CTDP1: variants seen among roughly 807,000 people sequenced by gnomAD.
CTDP1 encodes the protein RNA polymerase II subunit A C-terminal domain phosphatase.
CTDP1 carries 47 observed loss-of-function variants against 91.8 expected under a neutral mutation model. The observed-to-expected ratio is 0.51, with a 90% CI of 0.41 to 0.65. The LOEUF is 0.65. CTDP1 is among the 30% of genes least tolerant of loss of function. The probability of loss-of-function intolerance (pLI) is 0.00; values close to 1 mark genes in which losing one functional copy is unlikely to be tolerated. For synonymous variants in CTDP1, 656 were observed against 598.5 expected, an observed-to-expected ratio of 1.10 and a Z score of -1.40; for missense variants, 1,272 against 1,373.7, an observed-to-expected ratio of 0.93 and a Z score of 1.17.
rs190013766 is a variant in CTDP1 at position 79,733,412 on chromosome 18, C to T, written c.2581-2943C>T. ...TGGAACTGCGGGGAAGGGAAGGTGC[C>T]GGAACCAGGGCTGGGAGATCACTGA... On this transcript the variant is annotated intron_variant, in intron 11 of 12. Coordinates refer to ENST00000613122, the MANE Select transcript of CTDP1 (RefSeq NM_004715.5). Among the ~76,000 whole-genome samples, 134 of 152,300 alleles carry T rather than the reference C, an allele frequency of 8.8e-4. 2 individuals are homozygous for T. The East Asian group carries it at 0.016, about 18-fold the overall frequency.
Position 79,697,989 on chromosome 18 carries a change from G to A in CTDP1, c.621+1G>A. On this transcript the variant is annotated splice_donor_variant, in intron 4 of 12. Transcript: ENST00000613122. LOFTEE classifies it high-confidence loss of function. ...GCACTGTCAGCAGATGTCGAATAAA[G>A]TGAGTGCAGTCAGCATCTACGGACA... is the stretch of plus-strand genomic sequence containing the variant. 1 of 1,614,234 alleles carries A rather than the reference G, an allele frequency of 6.2e-7. No individual in the cohort carries two copies. Among genetic ancestry groups the A allele is most frequent in the Non-Finnish European group, 8.5e-7 (1 of 1,180,034 alleles).
chr18:79,731,287 T>C (rs2086561201), intron 11 of CTDP1, among the ~76,000 whole-genome samples: 1 of 152,138 alleles, frequency 6.6e-6, no homozygotes, highest in Non-Finnish European at 1.5e-5. Context: ...TTCCGGCGCG[T>C]CAGTGTGTTA....
upstream of CTDP1, chr18:79,678,611 G>A (rs1353861163): frequency 1.3e-5 from 2 of 152,142 alleles, no homozygotes; most frequent in African/African-American, 2.4e-5. Context: ...CAAAATGTTA[G>A]TATTCAGCCT....
At chr18:79,685,123 G>C (rs2085467107) in intron 1 of CTDP1, among the ~76,000 whole-genome samples, 1 of 152,074 alleles carries the variant, frequency 6.6e-6, no homozygotes, top group African/African-American at 2.4e-5. Context: ...AGGCCCTTGA[G>C]AGAGCCTCTG....
At chr18:79,740,942 C>A (rs778344199) in intron 12 of CTDP1, among the ~76,000 whole-genome samples, 1 of 152,184 alleles carries the variant, frequency 6.6e-6, no homozygotes, top group Non-Finnish European at 1.5e-5. Flanking sequence ...AAAGAACAGG[C>A]GCCCAGGTGA....
At chr18:79,720,484 GTGA>G (rs1249542313) in intron 10 of CTDP1, among the ~76,000 whole-genome samples, 14 of 149,738 alleles carry the variant, frequency 9.3e-5, no homozygotes, top group South Asian at 8.6e-4. Context: ...GGGCGTCCTC[GTGA>G]TGATGTCACC....
Position 79,680,120 on chromosome 18 carries a change from C to T in CTDP1, c.173C>T (p.Ala58Val), listed in dbSNP as rs1344172701. ...GCCGTGTTCGAGGCCGCCGCCTCCG[C>T]GCAGTCCTCCGGGGCCTCTCAGTCC... Reference protein sequence around the residue: ...VLAVFEAAASAQSSGASQSRV... With the variant: ...VLAVFEAAASVQSSGASQSRV... Residue 58 changes from alanine (A) to valine (V), a missense_variant, in exon 1 of 13, where the codon GCG becomes GTG. By Grantham distance (64) the Ala-to-Val change is moderately conservative (BLOSUM62 0). Coordinates refer to ENST00000613122, the MANE Select transcript of CTDP1 (RefSeq NM_004715.5). 1 of 1,424,664 alleles carries T rather than the reference C, an allele frequency of 7.0e-7. No individual in the cohort carries two copies. Among genetic ancestry groups the T allele is most frequent in the East Asian group, 3.2e-5 (1 of 31,710 alleles). The allele number at this position is 1,424,664 out of a possible 1,614,324, so 88.3% of individuals were successfully genotyped here.
chr18:79,756,131 CCTT>C (rs1033559202), downstream of CTDP1: 4 of 152,462 alleles, frequency 2.6e-5, no homozygotes, highest in Admixed American at 1.3e-4. Context: ...GTGCTGCACA[CCTT>C]CTCCGTCACG....
chr18:79,732,105 TTGC>T (rs1435741924), intron 11 of CTDP1, among the ~76,000 whole-genome samples: 1 of 148,422 alleles, frequency 6.7e-6, no homozygotes, highest in Admixed American at 6.7e-5. Flanking sequence ...ATGTAAGAAC[TTGC>T]TGACATCAGG....
rs751952205 is a variant in CTDP1 at position 79,714,871 on chromosome 18, T to C, written c.1411T>C (p.Ser471Pro). Reference sequence around the variant, plus strand: ...TGAGTCCGAGGGCACGAAGTCCTCCTCCTCCGCCTCTGATGGCGAAAGCGA... The same window carrying C: ...TGAGTCCGAGGGCACGAAGTCCTCCCCCTCCGCCTCTGATGGCGAAAGCGA... ...SSESEGTKSS[S>P]SASDGESEGK... The change falls in exon 8 of 13, where the codon TCC becomes CCC. Residue 471 changes from serine (S) to proline (P), a missense_variant. Physicochemically the swap from Ser to Pro is moderately conservative, Grantham distance 74 (BLOSUM62 -1). Around this residue, in one of 3 missense-constraint regions of CTDP1, gnomAD observed 881 missense variants for 911.6 expected, o/e 0.97. Coordinates refer to ENST00000613122, the MANE Select transcript of CTDP1 (RefSeq NM_004715.5). The C allele has an allele frequency of 2.5e-6, 4 of 1,582,528 alleles. 1 individual carries two copies. The South Asian group carries it at 4.6e-5, about 18-fold the overall frequency.
At chr18:79,679,295 C>T (rs1599168926), upstream of CTDP1, 6 of 411,384 alleles carry the variant, frequency 1.5e-5, no homozygotes, top group East Asian at 1.5e-4. Context: ...CGGGGGGGGA[C>T]ACGAGGCGGG....
intron 8 of CTDP1, among the ~76,000 whole-genome samples, chr18:79,716,037 C>T (rs922833646): frequency 2.6e-5 from 4 of 152,312 alleles, no homozygotes; most frequent in East Asian, 1.9e-4. Flanking sequence ...TTGAAACTTC[C>T]GCCGAATAAA....
chr18:79,724,529 A>AT (rs1356176075), intron 10 of CTDP1, among the ~76,000 whole-genome samples: 1 of 152,124 alleles, frequency 6.6e-6, no homozygotes, highest in East Asian at 1.9e-4. Flanking sequence ...TGTAACCTGC[A>AT]TTTCCGTGGT....
intron 4 of CTDP1, among the ~76,000 whole-genome samples, chr18:79,704,510 T>G (rs1311123485): frequency 6.6e-6 from 1 of 152,072 alleles, no homozygotes; most frequent in African/African-American, 2.4e-5. Context: ...GTGTCCTCTG[T>G]CCCGTGTGGA....
At chr18:79,703,591 G>A (rs909518600) in intron 4 of CTDP1, 1 of 152,250 alleles carries the variant, frequency 6.6e-6, no homozygotes, top group Non-Finnish European at 1.5e-5. Context: ...CCTTTATTCA[G>A]TAGCTCAGGA....
chr18:79,751,643 C>T (rs925303232), intron 12 of CTDP1, among the ~76,000 whole-genome samples: 5 of 152,132 alleles, frequency 3.3e-5, no homozygotes, highest in African/African-American at 7.2e-5. Context: ...GTTATTTCTG[C>T]GCTATAGTTT....
intron 7 of CTDP1, among the ~76,000 whole-genome samples, 188 bp from the exon 8 acceptor site, chr18:79,714,303 C>T (rs1254075286): frequency 6.6e-6 from 1 of 152,204 alleles, no homozygotes; most frequent in African/African-American, 2.4e-5. Flanking sequence ...TCCAAAACGT[C>T]CCTGGTCCCA....
chr18:79,692,599 C>T (rs1425461607), intron 1 of CTDP1, among the ~76,000 whole-genome samples: 2 of 152,160 alleles, frequency 1.3e-5, no homozygotes, highest in East Asian at 3.8e-4. Context: ...TTGAGGATTC[C>T]TTTCCCTCTC....
chr18:79,716,137 G>C (rs552946468), intron 8 of CTDP1, among the ~76,000 whole-genome samples: 2 of 152,324 alleles, frequency 1.3e-5, no homozygotes, highest in African/African-American at 4.8e-5. Context: ...TAGTTATTCT[G>C]TGAAAATGCT....
Sources: allele counts gnomAD v4.1 joint callset (sites outside exome capture counted in the v4.1 genomes callset), GRCh38; gene constraint gnomAD v4.1.1; regional missense constraint gnomAD v4.1.1; transcripts MANE v1.5; gene names NCBI Gene and HGNC (gene_info 2026-07-23, HGNC 2026-07-21).